Variants in ATXN1 observed in about 807,000 individuals in gnomAD.
The protein encoded by ATXN1 is ataxin 1.
ATXN1 carries 8 observed loss-of-function variants against 56.4 expected under a neutral mutation model. The observed-to-expected ratio is 0.14, with a 90% CI of 0.08 to 0.26. The LOEUF (loss-of-function observed/expected upper bound fraction) is 0.26. ATXN1 is among the 10% of genes least tolerant of loss of function. ATXN1 has a pLI of 1.00. For missense variants in ATXN1, 987 were observed against 1,106.5 expected (o/e 0.89, Z 1.53); for synonymous variants, 514 against 494.6 (o/e 1.04, Z -0.52).
At chr6:16,368,042 C>T (rs368233009) in intron 6 of ATXN1, among the ~76,000 whole-genome samples, 1 of 151,924 alleles carries the variant, frequency 6.6e-6, no homozygotes, top group Non-Finnish European at 1.5e-5. Flanking sequence ...TGTTGGTGCG[C>T]ACCTGTAGTC....
intron 6 of ATXN1, among the ~76,000 whole-genome samples, chr6:16,459,762 C>T (rs543107459): frequency 4.3e-4 from 65 of 152,192 alleles, no homozygotes; most frequent in Non-Finnish European, 7.5e-4. Context: ...GGCACTGTCC[C>T]AAGATCTAGG....
chr6:16,559,435 A>G (rs566732002), intron 4 of ATXN1, among the ~76,000 whole-genome samples: 50 of 152,308 alleles, frequency 3.3e-4, no homozygotes, highest in Admixed American at 3.3e-3. Flanking sequence ...ATACAATCGA[A>G]TACTATTTAG....
chr6:16,368,382 G>T (rs1761973612), intron 6 of ATXN1, among the ~76,000 whole-genome samples: 1 of 119,206 alleles, frequency 8.4e-6, no homozygotes, highest in Non-Finnish European at 1.6e-5. Context: ...ATATGGAACT[G>T]AACCTAATCC....
chr6:16,755,322 G>A (rs1341018877), intron 1 of ATXN1, among the ~76,000 whole-genome samples: 1 of 152,118 alleles, frequency 6.6e-6, no homozygotes, highest in Non-Finnish European at 1.5e-5. Flanking sequence ...AAGCAAGGCA[G>A]CACGTATTCA....
chr6:16,306,897 A>T lies in ATXN1; in HGVS notation c.1918-38T>A. 2.6e-6 allele frequency: 4 copies of T among 1,552,988 alleles called. No individual in the cohort carries two copies. In the East Asian group the frequency reaches 6.7e-5, roughly 26 times the overall value. On this transcript the variant is annotated intron_variant, in intron 7 of 7. Transcript: ENST00000436367. This position sits in a 1 kb window ranked among gnomAD's most constrained non-coding sequence, Gnocchi z 5.2. The stretch of plus-strand genomic sequence containing the variant: ...GGAGAGACAGAGAGAGGAAGAAGGA[A>T]GGGAACAAATGAAAACATTTTATTC...
chr6:16,448,742 C>G (rs1759684833), intron 6 of ATXN1, among the ~76,000 whole-genome samples: 1 of 152,196 alleles, frequency 6.6e-6, no homozygotes, highest in South Asian at 2.1e-4. Context: ...TTGAAAACCA[C>G]TGAGCTAGGC....
At position 16,306,987 on chromosome 6, in the gene ATXN1, A is replaced by G. The variant is rs950313359; in HGVS notation, c.1918-128T>C. ...CAGACACACACAGGCTGAATGGGGGAAAATGACTCAGTTTGCAAACCTCCC... is the reference window on the plus strand; with the variant it reads ...CAGACACACACAGGCTGAATGGGGGGAAATGACTCAGTTTGCAAACCTCCC... On this transcript the variant is annotated intron_variant, in intron 7 of 7. Transcript: ENST00000436367. The surrounding 1 kb of genome is among the most constrained non-coding windows in gnomAD (Gnocchi z 5.2). 1.5e-4 allele frequency: 167 copies of G among 1,127,024 alleles called. No individual in the cohort carries two copies. Among genetic ancestry groups the G allele is most frequent in the Non-Finnish European group, 2.0e-4 (162 of 816,986 alleles). The allele number at this position is 1,127,024 out of a possible 1,614,324, so 69.8% of individuals were successfully genotyped here.
At chr6:16,533,692 C>T (rs1761545344) in intron 4 of ATXN1, among the ~76,000 whole-genome samples, 2 of 152,282 alleles carry the variant, frequency 1.3e-5, no homozygotes, top group African/African-American at 2.4e-5. Flanking sequence ...ACAGTGAAAA[C>T]TCACAATCTC....
intron 3 of ATXN1, among the ~76,000 whole-genome samples, chr6:16,606,506 G>T (rs949213679): frequency 3.6e-5 from 5 of 138,714 alleles, no homozygotes; most frequent in Non-Finnish European, 7.8e-5. Context: ...TTTGTTTGTG[G>T]TTTTTTTGTT....
intron 3 of ATXN1, among the ~76,000 whole-genome samples, chr6:16,613,646 G>C (rs1763154377): frequency 6.6e-6 from 1 of 151,824 alleles, no homozygotes; most frequent in Non-Finnish European, 1.5e-5. Context: ...AATATAGTGA[G>C]ACCCCATCTC....
At chr6:16,347,316 G>C (rs1307302061) in intron 6 of ATXN1, among the ~76,000 whole-genome samples, 1 of 152,262 alleles carries the variant, frequency 6.6e-6, no homozygotes, top group Non-Finnish European at 1.5e-5. Flanking sequence ...GTGGGGCCTT[G>C]GAGAACCTTT....
At chr6:16,313,341 G>A (rs1760442224) in intron 7 of ATXN1, among the ~76,000 whole-genome samples, 1 of 152,098 alleles carries the variant, frequency 6.6e-6, no homozygotes, top group Admixed American at 6.6e-5. Context: ...GGTCACTCGA[G>A]CTACTGCACC....
chr6:16,419,892 G>C (rs1211172417), intron 6 of ATXN1, among the ~76,000 whole-genome samples: 1 of 152,190 alleles, frequency 6.6e-6, no homozygotes, highest in Non-Finnish European at 1.5e-5. Flanking sequence ...GGACGGATGA[G>C]GACCGCTCAT....
chr6:16,315,851 G>A lies in ATXN1; in HGVS notation c.1918-8992C>T, dbSNP rs777244407. Among the ~76,000 whole-genome samples the A allele has an allele frequency of 6.2e-4, 95 of 152,132 alleles. 1 individual carries two copies. Among genetic ancestry groups the A allele is most frequent in the Non-Finnish European group, 2.6e-4 (18 of 68,034 alleles). ...CTAATGTTTTGTTGGTGAAGATAAT[G>A]ATGATCATTATGTAGAGATGGAGCC... On this transcript the variant is annotated intron_variant, in intron 7 of 7. Coordinates refer to ENST00000436367, the MANE Select transcript of ATXN1 (RefSeq NM_001128164.2).
chr6:16,466,655 T>A (rs1241686999), intron 6 of ATXN1, among the ~76,000 whole-genome samples: 1 of 152,136 alleles, frequency 6.6e-6, no homozygotes, highest in Non-Finnish European at 1.5e-5. Context: ...GAAAAGTAGA[T>A]CAAGCACGAT....
chr6:16,441,624 A>G (rs1759518428), intron 6 of ATXN1, among the ~76,000 whole-genome samples: 1 of 152,178 alleles, frequency 6.6e-6, no homozygotes, highest in Non-Finnish European at 1.5e-5. Flanking sequence ...CCCAATAAAA[A>G]CATTCAGAAA....
rs118118835 is a variant in ATXN1, at chr6:16,437,820, T to C, written c.-161+48152A>G. 7.7e-4 allele frequency among the ~76,000 whole-genome samples: 118 copies of C among 152,358 alleles called. No homozygotes were observed. In the East Asian group the frequency reaches 0.021, roughly 28 times the overall value. ...TTACTTGATAACCATGGAAGCTAGG[T>C]AGCAGAGAGTGTAAGGAGAGCTTCC... On this transcript the variant is annotated intron_variant, in intron 6 of 7. Coordinates refer to ENST00000436367, the MANE Select transcript of ATXN1 (RefSeq NM_001128164.2).
In ATXN1 at chr6:16,734,471, T is replaced by C. The variant is rs1475268998; in HGVS notation, c.-615+18762A>G. Among the ~76,000 whole-genome samples, 9 of 152,282 alleles carry C rather than the reference T, an allele frequency of 5.9e-5. 1 individual carries two copies. The highest frequency in any genetic ancestry group is 2.2e-4 in the African/African-American group (9 of 41,556). ...AAAAAGGAGAGAAAACAAACAGTGA[T>C]CTGGCTGGTGTGCATTTTTGTGTAC... On this transcript the variant is annotated intron_variant, in intron 2 of 7. Coordinates refer to ENST00000436367, the MANE Select transcript of ATXN1 (RefSeq NM_001128164.2).
intron 3 of ATXN1, among the ~76,000 whole-genome samples, chr6:16,628,810 T>C (rs1368871902): frequency 1.3e-5 from 2 of 152,224 alleles, no homozygotes; most frequent in Admixed American, 1.3e-4. Flanking sequence ...TCCTTTTTTA[T>C]GGCTGCATAG....
Sources: allele counts gnomAD v4.1 joint callset (sites outside exome capture counted in the v4.1 genomes callset), GRCh38; gene constraint gnomAD v4.1.1; non-coding constraint Gnocchi (gnomAD v3.1); transcripts MANE v1.5; gene names NCBI Gene and HGNC (gene_info 2026-07-23, HGNC 2026-07-21).